Variants in PRKN observed in about 807,000 individuals in gnomAD.
The protein encoded by PRKN is parkin RBR E3 ubiquitin protein ligase, also known as E3 ubiquitin-protein ligase parkin.
Under a neutral mutation model 59.5 loss-of-function variants are expected in PRKN, and 56 were observed. The ratio of observed to expected loss-of-function variants is 0.94; its 90% CI spans 0.76 to 1.18. The LOEUF is 1.18. Among genes scored for constraint, PRKN ranks in the 50% most tolerant of loss-of-function variants. PRKN has a pLI of 0.00. For synonymous variants in PRKN, 250 were observed against 222.1 expected, an observed-to-expected ratio of 1.13 and a Z score of -1.12; for missense variants, 657 against 596.4, an observed-to-expected ratio of 1.10 and a Z score of -1.06.
chr6:162,662,678 G>T (rs1437554131), intron 1 of PRKN, among the ~76,000 whole-genome samples: 1 of 152,012 alleles, frequency 6.6e-6, no homozygotes, highest in Non-Finnish European at 1.5e-5. Flanking sequence ...ATTGAATAGG[G>T]TGTCCTTTCT....
chr6:162,174,165 T>C (rs766715084), intron 4 of PRKN, among the ~76,000 whole-genome samples: 5 of 152,238 alleles, frequency 3.3e-5, no homozygotes, highest in Non-Finnish European at 7.3e-5. Flanking sequence ...CCTGAAGTTA[T>C]ACGATTTTAA....
At chr6:161,781,704 T>C (rs1225773603) in intron 7 of PRKN, among the ~76,000 whole-genome samples, 2 of 152,194 alleles carry the variant, frequency 1.3e-5, no homozygotes, top group East Asian at 3.8e-4. Context: ...CAGTGTGCTA[T>C]ACAGAAAATA....
chr6:161,508,123 T>C (rs1257108320), intron 9 of PRKN, among the ~76,000 whole-genome samples: 1 of 152,228 alleles, frequency 6.6e-6, no homozygotes, highest in East Asian at 1.9e-4. Context: ...AACTGTTAGT[T>C]TGCAATCACA....
rs59112045 is a variant in PRKN, at chr6:162,480,064, C to CAAA, written c.8-36594_8-36592dup. Reference sequence around the variant, plus strand: ...TGGGTGAGAGAGCAAGATTTTGTCTCAAAAAAAAAAAAAATAGTATAAGTT... The same window carrying CAAA: ...TGGGTGAGAGAGCAAGATTTTGTCTCAAAAAAAAAAAAAAAAATAGTATAAGTT... On this transcript the variant is annotated intron_variant, in intron 1 of 11. Transcript: ENST00000366898. Among the ~76,000 whole-genome samples, 894 of 141,630 alleles carry CAAA rather than the reference C, an allele frequency of 6.3e-3. 11 individuals are homozygous for CAAA. The highest frequency in any genetic ancestry group is 0.021 in the East Asian group (100 of 4,798). 92.9% of individuals were successfully genotyped at this position (141,630 alleles called of 152,430 possible). A position where few individuals can be genotyped will look rare whatever the true frequency, so the allele number is the denominator to read the frequency against.
At chr6:162,389,396 T>G (rs1047520539) in intron 2 of PRKN, among the ~76,000 whole-genome samples, 1 of 152,156 alleles carries the variant, frequency 6.6e-6, no homozygotes, top group Non-Finnish European at 1.5e-5. Flanking sequence ...AAATACTAGT[T>G]GCTGTTCAGA....
chr6:161,839,740 G>A (rs574134664), intron 6 of PRKN, among the ~76,000 whole-genome samples: 52 of 152,312 alleles, frequency 3.4e-4, no homozygotes, highest in African/African-American at 8.4e-4. Context: ...ATGCTACGTG[G>A]AGCTACAGGA....
At chr6:161,508,334 T>TG (rs1301844341) in intron 9 of PRKN, among the ~76,000 whole-genome samples, 5 of 152,258 alleles carry the variant, frequency 3.3e-5, no homozygotes, top group Non-Finnish European at 7.3e-5. Flanking sequence ...AAAGGTCACC[T>TG]GGCACAAACC....
intron 6 of PRKN, among the ~76,000 whole-genome samples, chr6:161,971,177 C>T (rs530100670): frequency 6.6e-6 from 1 of 151,280 alleles, no homozygotes; most frequent in South Asian, 2.2e-4. Context: ...TATTATTTTT[C>T]CAGCAATTAT....
At chr6:162,268,854 G>A (rs747454095) in intron 2 of PRKN, among the ~76,000 whole-genome samples, 1 of 152,158 alleles carries the variant, frequency 6.6e-6, no homozygotes, top group Non-Finnish European at 1.5e-5. Context: ...ATGCTGCAAC[G>A]GAACCACCCC....
intron 1 of PRKN, chr6:162,569,709 C>T: frequency 1.7e-6 from 1 of 585,918 alleles, no homozygotes; most frequent in Non-Finnish European, 3.2e-6. Flanking sequence ...TCCGAGTCCT[C>T]TGATGTCCTT....
chr6:161,847,115 C>G (rs1312927889), intron 6 of PRKN, among the ~76,000 whole-genome samples: 1 of 152,146 alleles, frequency 6.6e-6, no homozygotes, highest in Non-Finnish European at 1.5e-5. Flanking sequence ...CGAGATCATC[C>G]TGGCCAACAT....
intron 10 of PRKN, among the ~76,000 whole-genome samples, chr6:161,366,459 G>A (rs1375571338): frequency 6.6e-6 from 1 of 152,126 alleles, no homozygotes; most frequent in Non-Finnish European, 1.5e-5. Flanking sequence ...CCAAACCCTA[G>A]GAAAAGACCA....
chr6:161,820,666 T>A (rs1235436495), intron 6 of PRKN, among the ~76,000 whole-genome samples: 1 of 148,246 alleles, frequency 6.7e-6, no homozygotes, highest in African/African-American at 2.4e-5. Flanking sequence ...AATTTTTATT[T>A]TATAAATGGC....
intron 5 of PRKN, among the ~76,000 whole-genome samples, chr6:162,048,767 T>G (rs977750937): frequency 1.3e-5 from 2 of 151,278 alleles, no homozygotes; most frequent in African/African-American, 4.9e-5. Flanking sequence ...AAATTTGTGT[T>G]GGGCCACATT....
intron 2 of PRKN, among the ~76,000 whole-genome samples, chr6:162,432,333 C>G (rs188329351): frequency 6.6e-6 from 1 of 152,086 alleles, no homozygotes; most frequent in Admixed American, 6.6e-5. Flanking sequence ...CAAAACCATC[C>G]TGGCCAACAT....
intron 6 of PRKN, among the ~76,000 whole-genome samples, chr6:161,789,262 G>A (rs1445312291): frequency 6.6e-6 from 1 of 152,196 alleles, no homozygotes; most frequent in Non-Finnish European, 1.5e-5. Flanking sequence ...AATCAAAGAG[G>A]AGGGGAAAGC....
At chr6:161,564,453 A>C (rs1780564440) in intron 8 of PRKN, among the ~76,000 whole-genome samples, 1 of 152,110 alleles carries the variant, frequency 6.6e-6, no homozygotes, top group Non-Finnish European at 1.5e-5. Flanking sequence ...ATGGGCAATC[A>C]GCAGTAACTG....
chr6:162,386,130 C>G (rs1243988306), intron 2 of PRKN, among the ~76,000 whole-genome samples: 1 of 152,052 alleles, frequency 6.6e-6, no homozygotes, highest in Non-Finnish European at 1.5e-5. Flanking sequence ...ATTTAGCTGA[C>G]TTAAATTACA....
intron 7 of PRKN, among the ~76,000 whole-genome samples, chr6:161,601,523 T>C (rs1782101655): frequency 6.6e-6 from 1 of 152,096 alleles, no homozygotes; most frequent in Non-Finnish European, 1.5e-5. Context: ...AATTCAGCAA[T>C]AAGGCCATCA....
Sources: allele counts gnomAD v4.1 joint callset (sites outside exome capture counted in the v4.1 genomes callset), GRCh38; gene constraint gnomAD v4.1.1; transcripts MANE v1.5; gene names NCBI Gene and HGNC (gene_info 2026-07-23, HGNC 2026-07-21).